The following C19orf12 variants were observed in gnomAD, a reference collection of about 807,000 sequenced individuals.
C19orf12 encodes the protein protein C19orf12.
In C19orf12, 2 loss-of-function variants were observed where a neutral mutation model predicts 3.8. The observed-to-expected ratio is 0.53, with a 90% CI of 0.22 to 1.66. The LOEUF is 1.66. Among genes scored for constraint, C19orf12 ranks in the 40% most tolerant of loss-of-function variants. C19orf12 has a pLI of 0.20. For synonymous variants in C19orf12, 89 were observed against 84.6 expected, an observed-to-expected ratio of 1.05 and a Z score of -0.28; for missense variants, 156 against 188.8, an observed-to-expected ratio of 0.83 and a Z score of 1.02.
intron 2 of C19orf12, chr19:29,705,369 T>C (rs751361352): frequency 1.7e-5 from 7 of 401,056 alleles, no homozygotes; most frequent in South Asian, 1.2e-4. Flanking sequence ...GGCGATTCAA[T>C]GCAATGCGGT....
chr19:29,710,639 G>A (rs1224823546), intron 1 of C19orf12, among the ~76,000 whole-genome samples: 1 of 152,178 alleles, frequency 6.6e-6, no homozygotes, highest in Non-Finnish European at 1.5e-5. Context: ...GAGAGGCAGT[G>A]GGAGGGCAGG....
At chr19:29,706,627 C>T (rs761945348) in intron 2 of C19orf12, among the ~76,000 whole-genome samples, 1 of 152,198 alleles carries the variant, frequency 6.6e-6, no homozygotes, top group Non-Finnish European at 1.5e-5. Context: ...AGGAAACAGC[C>T]TTGTCTCCCC....
chr19:29,715,093 G>A, intron 1 of C19orf12, 32 bp downstream of exon 1: 1 of 589,392 alleles, frequency 1.7e-6, no homozygotes, highest in Non-Finnish European at 3.0e-6. Flanking sequence ...GGCCTGGGAG[G>A]CGCCCCGCCC....
rs561918782 is a variant in C19orf12, at chr19:29,699,378, G to A, written c.*3334C>T. On this transcript the variant is annotated 3_prime_UTR_variant, in exon 3 of 3. Coordinates refer to ENST00000323670, the MANE Select transcript of C19orf12 (RefSeq NM_031448.6). ...GGCGACTGTAGTCAAAGCTACTCGGGAGGCTGAGGCAGGAGAATGGCTTGA... is the reference window on the plus strand; with the variant it reads ...GGCGACTGTAGTCAAAGCTACTCGGAAGGCTGAGGCAGGAGAATGGCTTGA... The A allele has an allele frequency of 5.3e-6, 2 of 377,506 alleles. No homozygotes were observed. Among genetic ancestry groups the A allele is most frequent in the Non-Finnish European group, 1.0e-5 (2 of 196,562 alleles). The allele number at this position is 377,506 out of a possible 1,614,324, so 23.4% of individuals were successfully genotyped here. A position where few individuals can be genotyped will look rare whatever the true frequency, so the allele number is the denominator to read the frequency against.
chr19:29,711,306 C>T (rs556444565), intron 1 of C19orf12, among the ~76,000 whole-genome samples: 18 of 152,282 alleles, frequency 1.2e-4, no homozygotes, highest in African/African-American at 4.1e-4. Context: ...TCTCAAAGTG[C>T]TGGGATTATG....
At position 29,701,512 on chromosome 19, in the gene C19orf12, T is replaced by C; in HGVS notation, c.*1200A>G. 2.2e-6 allele frequency: 1 copy of C among 454,136 alleles called. No homozygotes were observed. The highest frequency in any genetic ancestry group is 4.4e-6 in the Non-Finnish European group (1 of 226,798). The allele number at this position is 454,136 out of a possible 1,614,324, so 28.1% of individuals were successfully genotyped here. A position where few individuals can be genotyped will look rare whatever the true frequency, so the allele number is the denominator to read the frequency against. Reference sequence around the variant, plus strand: ...TGTTCAGTACCAATGCAATTTCTTTTTTCAAATATTTCCTATCCAAGGCTG... The same window carrying C: ...TGTTCAGTACCAATGCAATTTCTTTCTTCAAATATTTCCTATCCAAGGCTG... On this transcript the variant is annotated 3_prime_UTR_variant, in exon 3 of 3. Transcript: ENST00000323670.
At chr19:29,713,646 T>G (rs1972799146) in intron 1 of C19orf12, among the ~76,000 whole-genome samples, 1 of 152,178 alleles carries the variant, frequency 6.6e-6, no homozygotes, top group Non-Finnish European at 1.5e-5. Flanking sequence ...AGTTTTGGAT[T>G]AGCTCATAGT....
At chr19:29,713,158 C>G (rs1972771277) in intron 1 of C19orf12, among the ~76,000 whole-genome samples, 1 of 152,174 alleles carries the variant, frequency 6.6e-6, no homozygotes, top group African/African-American at 2.4e-5. Flanking sequence ...CCACCCTGCT[C>G]CTTCTCCCAC....
intron 2 of C19orf12, among the ~76,000 whole-genome samples, chr19:29,704,822 A>G (rs1171084308): frequency 6.6e-6 from 1 of 152,196 alleles, no homozygotes; most frequent in Non-Finnish European, 1.5e-5. Flanking sequence ...GGGCCAACCA[A>G]GCCTTGAATC....
At chr19:29,715,504 C>T (rs908718489), upstream of C19orf12, 8 of 328,752 alleles carry the variant, frequency 2.4e-5, no homozygotes, top group Admixed American at 2.7e-4. Flanking sequence ...CGCGCTCCCG[C>T]AGGCCCAGCC....
At chr19:29,713,994 TTCTCTC>T (rs1057445422) in intron 1 of C19orf12, among the ~76,000 whole-genome samples, 1 of 135,630 alleles carries the variant, frequency 7.4e-6, no homozygotes, top group Non-Finnish European at 1.5e-5. Context: ...TTCTCTTTCG[TTCTCTC>T]TCTCTCTCTT....
intron 1 of C19orf12, among the ~76,000 whole-genome samples, chr19:29,710,874 A>C (rs982777554): frequency 1.3e-5 from 2 of 152,174 alleles, no homozygotes; most frequent in Middle Eastern, 3.2e-3. Context: ...CAAATGTCTA[A>C]ACGATAAAAT....
At position 29,708,054 on chromosome 19, in the gene C19orf12, T is replaced by G. The variant is rs1972471844; in HGVS notation, c.160+200A>C. 1.3e-5 allele frequency among the ~76,000 whole-genome samples: 2 copies of G among 152,040 alleles called. 1 individual carries two copies. The highest frequency in any genetic ancestry group is 4.2e-4 in the South Asian group (2 of 4,816). ...CCACCACGCCCAGCTATTTTTTGTA[T>G]TTTTAGTAGAGACGGGGTTTCACCA... On this transcript the variant is annotated intron_variant, in intron 2 of 2. Transcript: ENST00000323670.
chr19:29,713,540 T>C (rs1411253779), intron 1 of C19orf12, among the ~76,000 whole-genome samples: 2 of 140,314 alleles, frequency 1.4e-5, no homozygotes, highest in African/African-American at 2.6e-5. Flanking sequence ...AGTACCCTTT[T>C]CTTTAACAAA....
In C19orf12 at chr19:29,702,726, G is replaced by T; in HGVS notation, c.412C>A (p.Gln138Lys). The T allele has an allele frequency of 6.2e-7, 1 of 1,613,804 alleles. No individual in the cohort carries two copies. Among genetic ancestry groups the T allele is most frequent in the Non-Finnish European group, 8.5e-7 (1 of 1,180,002 alleles). The change falls in exon 3 of 3, where the codon CAG (glutamine) becomes AAG (lysine). Residue 138 changes from glutamine to lysine, a missense_variant. Gln to Lys is a moderately conservative substitution (Grantham distance 53). Coordinates refer to ENST00000323670, the MANE Select transcript of C19orf12 (RefSeq NM_031448.6). The stretch of plus-strand genomic sequence containing the variant: ...GGAGGTGCGGCCTAGTCATCATACT[G>T]GATCTCGGCCCGCAGCTCCTTGGTG... ...YVTKELRAEI[Q>K]YDD
At chr19:29,715,264 C>T, upstream of C19orf12, 1 of 395,024 alleles carries the variant, frequency 2.5e-6, no homozygotes, top group South Asian at 2.0e-5. Context: ...CCGGCGCTGG[C>T]CCCGCCCTCC....
rs1423811433 is a variant in C19orf12 at position 29,700,856 on chromosome 19, T to C, written c.*1856A>G. 4.4e-6 allele frequency: 2 copies of C among 453,966 alleles called. No individual in the cohort carries two copies. Among genetic ancestry groups the C allele is most frequent in the Admixed American group, 4.7e-5 (2 of 42,560 alleles). 28.1% of individuals were successfully genotyped at this position (453,966 alleles called of 1,614,324 possible). ...CAGGGCCTCAGCAGAAGTGCCTCCC[T>C]CCGAGCCTCCAGGGCCTGAGAGGAG... is the stretch of plus-strand genomic sequence containing the variant. On this transcript the variant is annotated 3_prime_UTR_variant, in exon 3 of 3. Transcript: ENST00000323670.
At position 29,702,890 on chromosome 19, in the gene C19orf12, G is replaced by A. The variant is rs1972183197; in HGVS notation, c.248C>T (p.Ala83Val). 6.2e-7 allele frequency: 1 copy of A among 1,614,194 alleles called. No individual in the cohort carries two copies. Among genetic ancestry groups the A allele is most frequent in the Non-Finnish European group, 8.5e-7 (1 of 1,180,038 alleles). Residue 83 changes from alanine to valine, a missense_variant, in exon 3 of 3, where the codon GCC becomes GTC. Transcript: ENST00000323670. Reference sequence around the variant, plus strand: ...TTCGTTAAAGAGCCTCTGTTGCTCGGCAGGGGGCAGCTCCATTAGGATCTG... The same window carrying A: ...TTCGTTAAAGAGCCTCTGTTGCTCGACAGGGGGCAGCTCCATTAGGATCTG... Reference protein sequence around the residue: ...VPQILMELPPAEQQRLFNEAA... With the variant: ...VPQILMELPPVEQQRLFNEAA...
rs515726205 is a variant in C19orf12 at position 29,702,966 on chromosome 19, C to T, written c.172G>A (p.Gly58Arg). The T allele has an allele frequency of 1.9e-5, 30 of 1,613,708 alleles. No individual in the cohort carries two copies. The highest frequency in any genetic ancestry group is 2.4e-5 in the Non-Finnish European group (28 of 1,179,774). ...PPGLAVGGAV[G>R]GLLGAWMTSG... Reference sequence around the variant, plus strand: ...GTCATCCAGGCACCTAACAGCCCCCCGACAGCCCCCCCTAGAAAACATGGA... The same window carrying T: ...GTCATCCAGGCACCTAACAGCCCCCTGACAGCCCCCCCTAGAAAACATGGA... Residue 58 changes from glycine (G) to arginine (R), a missense_variant, in exon 3 of 3, where the codon GGG (glycine) becomes AGG (arginine). Coordinates refer to ENST00000323670, the MANE Select transcript of C19orf12 (RefSeq NM_031448.6).
Sources: allele counts gnomAD v4.1 joint callset (sites outside exome capture counted in the v4.1 genomes callset), GRCh38; gene constraint gnomAD v4.1.1; transcripts MANE v1.5; gene names NCBI Gene and HGNC (gene_info 2026-07-23, HGNC 2026-07-21).